The following SYN2 variants were observed in gnomAD, a reference collection of about 807,000 sequenced individuals.
SYN2 encodes synapsin-2.
Under a neutral mutation model 50.9 loss-of-function variants are expected in SYN2, and 19 were observed. The ratio of observed to expected loss-of-function variants is 0.37; its 90% confidence interval spans 0.26 to 0.55. The LOEUF (loss-of-function observed/expected upper bound fraction) is 0.55, where lower values mean the gene tolerates loss of function less well. SYN2 is among the 20% of genes least tolerant of loss of function. SYN2 has a pLI of 0.81. For synonymous variants in SYN2, 255 were observed against 224.9 expected (o/e 1.13, Z -1.20); for missense variants, 587 against 576.4 (o/e 1.02, Z -0.19).
chr3:12,117,266 A>T (rs1696455323), intron 1 of SYN2, among the ~76,000 whole-genome samples: 1 of 152,192 alleles, frequency 6.6e-6, no homozygotes, highest in Admixed American at 6.5e-5. Flanking sequence ...ATATGGGATC[A>T]CTGGATCCAG....
intron 1 of SYN2, among the ~76,000 whole-genome samples, chr3:12,076,539 A>G (rs1030403523): frequency 6.6e-6 from 1 of 151,918 alleles, no homozygotes; most frequent in Admixed American, 6.6e-5. Context: ...CATGATGACC[A>G]TGGGAAGTGA....
At chr3:12,061,921 A>G (rs115467102) in intron 1 of SYN2, among the ~76,000 whole-genome samples, 2,484 of 152,182 alleles carry the variant, frequency 0.016, 62 homozygotes, top group African/African-American at 0.056. Context: ...GGAAGACTCA[A>G]TATTGTTAAG....
intron 1 of SYN2, among the ~76,000 whole-genome samples, chr3:12,065,392 ACACATG>A (rs1695194775): frequency 6.6e-6 from 1 of 152,214 alleles, no homozygotes; most frequent in Non-Finnish European, 1.5e-5. Flanking sequence ...TACCAAAAAA[ACACATG>A]CACTTATATG....
intron 1 of SYN2, among the ~76,000 whole-genome samples, chr3:12,092,490 G>A (rs779637140): frequency 6.6e-6 from 1 of 152,028 alleles, no homozygotes; most frequent in Non-Finnish European, 1.5e-5. Flanking sequence ...TACCTGGAGG[G>A]GTCATATCTG....
At chr3:12,011,432 A>C (rs1693909865) in intron 1 of SYN2, among the ~76,000 whole-genome samples, 1 of 152,170 alleles carries the variant, frequency 6.6e-6, no homozygotes, top group Non-Finnish European at 1.5e-5. Flanking sequence ...TGACCTGTGG[A>C]GAGAATAAAG....
intron 1 of SYN2, among the ~76,000 whole-genome samples, chr3:12,114,991 A>T (rs189689196): frequency 1.3e-5 from 2 of 152,278 alleles, no homozygotes; most frequent in Non-Finnish European, 2.9e-5. Flanking sequence ...TTGCCTTTCC[A>T]TCCCCAATGT....
intron 5 of SYN2, chr3:12,159,087 G>A (rs1431074405): frequency 4.0e-6 from 2 of 499,614 alleles, no homozygotes; most frequent in African/African-American, 4.0e-5. Context: ...CCTGACCTCT[G>A]TTTCCCTGCC....
At chr3:12,091,220 T>C (rs929170470) in intron 1 of SYN2, among the ~76,000 whole-genome samples, 1 of 152,140 alleles carries the variant, frequency 6.6e-6, no homozygotes, top group African/African-American at 2.4e-5. Flanking sequence ...TGTGTAAAAT[T>C]GGTACTACAA....
chr3:12,185,152 C>T, intron 11 of SYN2: 23 of 985,790 alleles, frequency 2.3e-5, no homozygotes, highest in Non-Finnish European at 2.7e-5. Flanking sequence ...TACATATATG[C>T]ATATTTGCAC....
At chr3:12,113,647 T>C (rs1170884956) in intron 1 of SYN2, among the ~76,000 whole-genome samples, 1 of 152,168 alleles carries the variant, frequency 6.6e-6, no homozygotes, top group Non-Finnish European at 1.5e-5. Context: ...CTAATCTACT[T>C]TCTGTTTTAT....
At chr3:12,153,771 G>A (rs1697374131) in intron 5 of SYN2, 3 of 1,579,884 alleles carry the variant, frequency 1.9e-6, no homozygotes, top group South Asian at 1.1e-5. Flanking sequence ...TTCCATTGCT[G>A]CCTTTCAGAT....
chr3:12,046,551 T>C (rs1369393788), intron 1 of SYN2, among the ~76,000 whole-genome samples: 1 of 152,152 alleles, frequency 6.6e-6, no homozygotes, highest in Non-Finnish European at 1.5e-5. Flanking sequence ...AAGAGAGACA[T>C]GATTAGATGT....
At chr3:12,185,439 A>G (rs1452534530) in intron 11 of SYN2, 4 of 985,704 alleles carry the variant, frequency 4.1e-6, no homozygotes, top group Non-Finnish European at 4.8e-6. Context: ...GGTGGGGGAG[A>G]AATTGGTTAG....
chr3:12,169,915 C>T lies in SYN2; in HGVS notation c.1308+9C>T, dbSNP rs781184025. On this transcript the variant is annotated intron_variant, in intron 10 of 12. Transcript: ENST00000621198. ...CAACCCAGCAGCCACAGGTAAGCAG[C>T]TAGGAAGAGACATAGCAGAGCCAAG... 4 of 1,600,448 alleles carry T rather than the reference C, an allele frequency of 2.5e-6. No homozygotes were observed. The Admixed American group carries it at 5.2e-5, about 21-fold the overall frequency.
At chr3:12,178,244 A>C (rs1177308533) in intron 10 of SYN2, among the ~76,000 whole-genome samples, 2 of 152,086 alleles carry the variant, frequency 1.3e-5, no homozygotes, top group African/African-American at 2.4e-5. Context: ...ACCCTTTCCC[A>C]ATTTCCTGTC....
rs1206521397 is a variant in SYN2 at position 12,098,990 on chromosome 3, A to G, written c.378-41661A>G. ...ACAAAGAAGAGCATGATATATTGAT[A>G]AAAGATCACTCTATCAAGAAGATGT... On this transcript the variant is annotated intron_variant, in intron 1 of 12. Transcript: ENST00000621198. 2.0e-5 allele frequency among the ~76,000 whole-genome samples: 3 copies of G among 152,032 alleles called. No individual in the cohort carries two copies. In the East Asian group the frequency reaches 5.8e-4, roughly 29 times the overall value.
At chr3:12,052,821 T>C (rs1200102741) in intron 1 of SYN2, among the ~76,000 whole-genome samples, 3 of 152,348 alleles carry the variant, frequency 2.0e-5, no homozygotes, top group East Asian at 3.9e-4. Flanking sequence ...ACTCTTAGCA[T>C]TGCCCTTGCA....
intron 1 of SYN2, among the ~76,000 whole-genome samples, chr3:12,085,350 A>AAT (rs202013535): frequency 0.23 from 5,470 of 23,982 alleles, 263 homozygotes; most frequent in East Asian, 0.37. Flanking sequence ...ATTGTTATGG[A>AAT]ATACACACAC....
intron 1 of SYN2, among the ~76,000 whole-genome samples, chr3:12,107,013 T>TTG (rs34550312): frequency 1.1e-3 from 171 of 150,238 alleles, no homozygotes; most frequent in South Asian, 4.2e-3. Flanking sequence ...GTCTGTATGT[T>TTG]TGTGTGTGTG....
Sources: gnomAD v4.1 joint callset for allele counts (sites outside exome capture counted in the v4.1 genomes callset) on GRCh38, gnomAD v4.1.1 for gene constraint, MANE v1.5 for transcripts, NCBI Gene and HGNC (gene_info 2026-07-23, HGNC 2026-07-21) for gene names.